The following BMP6 variants were observed in gnomAD, a reference collection of about 807,000 sequenced individuals.
The protein encoded by BMP6 is bone morphogenetic protein 6.
In BMP6, 17 loss-of-function variants were observed where a neutral mutation model predicts 54.1. The ratio of observed to expected loss-of-function variants is 0.31; its 90% CI spans 0.22 to 0.47. The LOEUF (loss-of-function observed/expected upper bound fraction) is 0.47, where lower values mean the gene tolerates loss of function less well. BMP6 is among the 20% of genes least tolerant of loss of function. BMP6 has a pLI of 1.00. For missense variants in BMP6, 720 were observed against 690.4 expected (o/e 1.04, Z -0.48); for synonymous variants, 328 against 291.2 (o/e 1.13, Z -1.28).
chr6:7,731,489 T>C (rs1443832193), intron 1 of BMP6, among the ~76,000 whole-genome samples: 5 of 152,236 alleles, frequency 3.3e-5, no homozygotes, highest in Admixed American at 6.5e-5. Flanking sequence ...ACTCATTTGT[T>C]TGTCTCCCCT....
At chr6:7,768,822 C>T (rs1250991438) in intron 1 of BMP6, among the ~76,000 whole-genome samples, 1 of 152,144 alleles carries the variant, frequency 6.6e-6, no homozygotes, top group Non-Finnish European at 1.5e-5. Context: ...CTTGAATTCC[C>T]CTAACACTTT....
intron 1 of BMP6, among the ~76,000 whole-genome samples, chr6:7,810,662 T>C (rs1758422366): frequency 6.6e-6 from 1 of 152,230 alleles, no homozygotes; most frequent in Non-Finnish European, 1.5e-5. Context: ...GATCTTAGAA[T>C]CCTTCAGATT....
chr6:7,760,346 T>C (rs1371443809), intron 1 of BMP6, among the ~76,000 whole-genome samples: 1 of 152,236 alleles, frequency 6.6e-6, no homozygotes, highest in East Asian at 1.9e-4. Flanking sequence ...TGAATTAAAG[T>C]AATTATTTAC....
chr6:7,727,235 C>T lies in BMP6; in HGVS notation c.280C>T (p.Arg94Trp), dbSNP rs376922072. Residue 94 changes from arginine (R) to tryptophan (W), a missense_variant, in exon 1 of 7, where the codon CGG becomes TGG. By Grantham distance (101) the Arg-to-Trp change is moderately radical (BLOSUM62 -3). Coordinates refer to ENST00000283147, the MANE Select transcript of BMP6 (RefSeq NM_001718.6). ...GGTGCTGGGGCTCCCGCACCGGCCCCGGCCCCTGCACGGCCTCCAACAGCC... is the reference window on the plus strand; with the variant it reads ...GGTGCTGGGGCTCCCGCACCGGCCCTGGCCCCTGCACGGCCTCCAACAGCC... ...LSVLGLPHRP[R>W]PLHGLQQPQP... 1.1e-4 allele frequency: 175 copies of T among 1,606,186 alleles called. 1 individual carries two copies. The Middle Eastern group carries it at 3.3e-3, about 30-fold the overall frequency.
chr6:7,772,905 A>G (rs1386775267), intron 1 of BMP6, among the ~76,000 whole-genome samples: 2 of 152,112 alleles, frequency 1.3e-5, no homozygotes, highest in African/African-American at 4.8e-5. Flanking sequence ...TTCATGCTTG[A>G]CAGGACTGGG....
intron 4 of BMP6, among the ~76,000 whole-genome samples, chr6:7,875,126 T>C (rs1274610859): frequency 6.6e-6 from 1 of 151,992 alleles, no homozygotes; most frequent in Non-Finnish European, 1.5e-5. Context: ...CCCTGAGTAC[T>C]GGGGAGGGCT....
chr6:7,798,963 CTCATTACA>C (rs1561775332), intron 1 of BMP6, among the ~76,000 whole-genome samples: 2 of 152,182 alleles, frequency 1.3e-5, no homozygotes, highest in Non-Finnish European at 2.9e-5. Flanking sequence ...ATTGGATCAT[CTCATTACA>C]TCATTTTTAA....
intron 2 of BMP6, among the ~76,000 whole-genome samples, chr6:7,855,051 A>G (rs1759203784): frequency 6.6e-6 from 1 of 152,200 alleles, no homozygotes; most frequent in Admixed American, 6.5e-5. Flanking sequence ...AGTTCTGTTT[A>G]TTAGCCTAAT....
chr6:7,860,968 C>T (rs933833792), intron 2 of BMP6, among the ~76,000 whole-genome samples: 2 of 151,590 alleles, frequency 1.3e-5, no homozygotes, highest in African/African-American at 4.9e-5. Flanking sequence ...AGCTTATTAG[C>T]CATAAAGTAA....
chr6:7,748,677 G>A (rs570198114), intron 1 of BMP6, among the ~76,000 whole-genome samples: 1 of 152,278 alleles, frequency 6.6e-6, no homozygotes, highest in African/African-American at 2.4e-5. Context: ...TGACTGGGGC[G>A]GAGATGTTTC....
At chr6:7,851,976 T>G (rs1759149523) in intron 2 of BMP6, among the ~76,000 whole-genome samples, 1 of 152,244 alleles carries the variant, frequency 6.6e-6, no homozygotes, top group East Asian at 1.9e-4. Flanking sequence ...TCTGATAACT[T>G]TGCTATCTGG....
intron 1 of BMP6, among the ~76,000 whole-genome samples, chr6:7,753,168 A>G (rs72827069): frequency 0.083 from 12,567 of 152,280 alleles, 614 homozygotes; most frequent in Admixed American, 0.12. Flanking sequence ...ACCTCAATCA[A>G]GCACCTGCTA....
chr6:7,864,549 TG>T, intron 4 of BMP6, among the ~76,000 whole-genome samples: 1 of 152,318 alleles, frequency 6.6e-6, no homozygotes, highest in Non-Finnish European at 1.5e-5. Context: ...TCATTTTTGG[TG>T]GCCAAACATG....
In BMP6 at chr6:7,832,115, G is replaced by A. The variant is rs76313294; in HGVS notation, c.665-13025G>A. 4.4e-3 allele frequency among the ~76,000 whole-genome samples: 671 copies of A among 152,256 alleles called. 11 individuals carry two copies. Among genetic ancestry groups the A allele is most frequent in the African/African-American group, 0.016 (648 of 41,550 alleles). The stretch of plus-strand genomic sequence containing the variant: ...AAGATCTTCATGGGACCTTATAGAG[G>A]TCTAGAGTTGAGGGTACTAAAACTA... On this transcript the variant is annotated intron_variant, in intron 1 of 6. Transcript: ENST00000283147.
At chr6:7,766,429 C>A (rs1040858462) in intron 1 of BMP6, among the ~76,000 whole-genome samples, 4 of 152,088 alleles carry the variant, frequency 2.6e-5, no homozygotes, top group African/African-American at 9.7e-5. Context: ...GCCTGGGCAA[C>A]ATAGTGGGAC....
intron 1 of BMP6, among the ~76,000 whole-genome samples, chr6:7,813,109 ATATATATATATAT>A (rs1411023696): frequency 2.2e-3 from 34 of 15,750 alleles, no homozygotes; most frequent in East Asian, 0.012. Context: ...AAAAAAAAAA[ATATATATATATAT>A]ATATATATAT....
At chr6:7,742,140 G>C (rs935357553) in intron 1 of BMP6, among the ~76,000 whole-genome samples, 1 of 152,350 alleles carries the variant, frequency 6.6e-6, no homozygotes, top group East Asian at 1.9e-4. Context: ...GTATGTGGCA[G>C]TGGTTATAAA....
intron 4 of BMP6, among the ~76,000 whole-genome samples, chr6:7,865,081 C>A (rs538934512): frequency 1.3e-5 from 2 of 152,094 alleles, no homozygotes; most frequent in Non-Finnish European, 2.9e-5. Context: ...TACCCCCCAC[C>A]CAATGCACAC....
rs756318752 is a variant in BMP6, at chr6:7,727,419, G to A, written c.464G>A (p.Gly155Glu). 1.7e-5 allele frequency: 28 copies of A among 1,606,822 alleles called. No individual in the cohort carries two copies. The highest frequency in any genetic ancestry group is 5.5e-5 in the South Asian group (5 of 90,406). ...AACGACGAGGACGGGGCGTCGGAGG[G>A]GGAGAGGCAGCAGTCCTGGCCCCAC... Reference protein sequence around the residue: ...ADNDEDGASEGERQQSWPHEA... With the variant: ...ADNDEDGASEEERQQSWPHEA... The change falls in exon 1 of 7, where the codon GGG becomes GAG. Residue 155 changes from glycine to glutamate, a missense_variant. By Grantham distance (98) the Gly-to-Glu change is moderately conservative. Around this residue, in one of 3 missense-constraint regions of BMP6, gnomAD observed 650 missense variants for 556.3 expected, o/e 1.17. Transcript: ENST00000283147.
Sources: allele counts gnomAD v4.1 joint callset (sites outside exome capture counted in the v4.1 genomes callset), GRCh38; gene constraint gnomAD v4.1.1; regional missense constraint gnomAD v4.1.1; transcripts MANE v1.5; gene names NCBI Gene and HGNC (gene_info 2026-07-23, HGNC 2026-07-21).